The following ATRX variants were observed in gnomAD, a reference collection of about 807,000 sequenced individuals.
ATRX encodes the protein chromatin remodeler ATRX.
In ATRX, 12 loss-of-function variants were observed where a neutral mutation model predicts 172.6. The observed-to-expected ratio is 0.07, with a 90% confidence interval of 0.04 to 0.11. ATRX has a LOEUF of 0.11. Among genes scored for constraint, ATRX ranks in the 10% least tolerant of loss-of-function variants. The pLI, the probability that ATRX is intolerant of heterozygous loss-of-function variation, is 1.00. For missense variants in ATRX, 1,368 were observed against 1,767.4 expected (o/e 0.77, Z 4.05); for synonymous variants, 674 against 594.7 (o/e 1.13, Z -1.94).
chrX:77,603,596 G>C (rs1479166462), intron 22 of ATRX, among the ~76,000 whole-genome samples: 1 of 104,305 alleles, frequency 9.6e-6, no homozygotes, highest in Non-Finnish European at 2.0e-5. Flanking sequence ...GGTTGGTCTT[G>C]AACTCCTGGC....
chrX:77,769,156 C>T (rs1422092576), intron 1 of ATRX, among the ~76,000 whole-genome samples: 1 of 111,786 alleles, frequency 8.9e-6, no homozygotes, highest in Admixed American at 9.6e-5. Context: ...AGCCACTGCA[C>T]CCTAGCCTGG....
chrX:77,581,334 A>G (rs2065818603), intron 27 of ATRX, among the ~76,000 whole-genome samples: 1 of 111,743 alleles, frequency 8.9e-6, no homozygotes, highest in Non-Finnish European at 1.9e-5. Flanking sequence ...CTTCACCTGT[A>G]AAAATACACA....
intron 17 of ATRX, among the ~76,000 whole-genome samples, chrX:77,634,271 TAGAA>T (rs2068246927): frequency 9.7e-6 from 1 of 102,951 alleles, no homozygotes; most frequent in Admixed American, 1.1e-4. Context: ...ATTTCTACCT[TAGAA>T]TCTTTGCAGT....
intron 1 of ATRX, among the ~76,000 whole-genome samples, chrX:77,766,510 G>A (rs782596935): frequency 3.2e-4 from 34 of 107,105 alleles, no homozygotes; most frequent in African/African-American, 9.6e-4. Context: ...CAGACGGGGC[G>A]GCCAGGCAGA....
intron 30 of ATRX, among the ~76,000 whole-genome samples, chrX:77,551,275 C>A (rs1345438621): frequency 4.5e-5 from 5 of 111,450 alleles, no homozygotes; most frequent in South Asian, 3.8e-4. Context: ...GAGATATAGA[C>A]CAATGGAACA....
At chrX:77,559,145 G>C in intron 28 of ATRX, among the ~76,000 whole-genome samples, 1 of 110,991 alleles carries the variant, frequency 9.0e-6, no homozygotes, top group Non-Finnish European at 1.9e-5. Context: ...AATAAATTTA[G>C]AGAATTTATA....
At chrX:77,592,573 G>A (rs1408954772) in intron 26 of ATRX, among the ~76,000 whole-genome samples, 1 of 111,038 alleles carries the variant, frequency 9.0e-6, no homozygotes, top group African/African-American at 3.3e-5. Flanking sequence ...AGCACTTTGG[G>A]AGGCTGAGGC....
At chrX:77,769,667 C>A (rs2076093740) in intron 1 of ATRX, among the ~76,000 whole-genome samples, 1 of 111,770 alleles carries the variant, frequency 8.9e-6, no homozygotes, top group Non-Finnish European at 1.9e-5. Context: ...ACAGACCTGT[C>A]CATATGTGGG....
intron 2 of ATRX, among the ~76,000 whole-genome samples, chrX:77,700,011 A>G (rs1557152558): frequency 8.9e-6 from 1 of 111,959 alleles, no homozygotes; most frequent in East Asian, 2.8e-4. Context: ...ATATAGATGC[A>G]AAAGTCCACA....
chrX:77,515,401 TAAAG>T (rs1312448239), intron 34 of ATRX, among the ~76,000 whole-genome samples: 1 of 107,792 alleles, frequency 9.3e-6, no homozygotes, highest in Non-Finnish European at 1.9e-5. Context: ...AAAATAAAAA[TAAAG>T]AAAAAGTTCA....
intron 1 of ATRX, among the ~76,000 whole-genome samples, chrX:77,772,153 C>T (rs1441648648): frequency 9.2e-6 from 1 of 109,110 alleles, no homozygotes; most frequent in East Asian, 2.9e-4. Flanking sequence ...AAAAAATTAG[C>T]TGGGCACGGT....
At chrX:77,647,191 A>T (rs1164070907) in intron 15 of ATRX, among the ~76,000 whole-genome samples, 2 of 112,301 alleles carry the variant, frequency 1.8e-5, no homozygotes, top group African/African-American at 6.5e-5. Flanking sequence ...AAAGATCACA[A>T]GGAAAATTAG....
At chrX:77,716,529 T>C (rs1401910599) in intron 2 of ATRX, among the ~76,000 whole-genome samples, 1 of 107,934 alleles carries the variant, frequency 9.3e-6, no homozygotes, top group African/African-American at 3.4e-5. Flanking sequence ...CGAGGGCAGA[T>C]CACTTGAGTT....
intron 1 of ATRX, among the ~76,000 whole-genome samples, chrX:77,778,147 A>G (rs1218926984): frequency 9.2e-6 from 1 of 108,798 alleles, no homozygotes; most frequent in Non-Finnish European, 1.9e-5. Flanking sequence ...AAAAAAAAGT[A>G]GATAATACTT....
intron 22 of ATRX, among the ~76,000 whole-genome samples, chrX:77,602,735 G>A (rs2066727939): frequency 9.1e-6 from 1 of 110,069 alleles, no homozygotes; most frequent in African/African-American, 3.3e-5. Context: ...TTCAGTTATT[G>A]GTTTCTAATT....
rs188854276 is a variant in ATRX, at chrX:77,608,197, G to A, written c.5567-7633C>T. Among the ~76,000 whole-genome samples, 24 of 108,798 alleles carry A rather than the reference G, an allele frequency of 2.2e-4. No homozygotes were observed. In the South Asian group the frequency reaches 3.7e-3, roughly 17 times the overall value. The allele number at this position is 108,798 out of a possible 115,157, so 94.5% of individuals were successfully genotyped here. A position where few individuals can be genotyped will look rare whatever the true frequency, so the allele number is the denominator to read the frequency against. ...GAGATCGAGACCACAGTGAAACCCC[G>A]CCTCTACTAAAAATACGAAAAATTA... On this transcript the variant is annotated intron_variant, in intron 22 of 34. Coordinates refer to ENST00000373344, the MANE Select transcript of ATRX (RefSeq NM_000489.6).
At chrX:77,770,342 TCTG>T (rs1321996872) in intron 1 of ATRX, among the ~76,000 whole-genome samples, 1 of 109,933 alleles carries the variant, frequency 9.1e-6, no homozygotes, top group Non-Finnish European at 1.9e-5. Context: ...CCTCAAGTAA[TCTG>T]CTTGCCTCAG....
At chrX:77,776,490 A>G (rs1215611284) in intron 1 of ATRX, among the ~76,000 whole-genome samples, 1 of 112,276 alleles carries the variant, frequency 8.9e-6, no homozygotes, top group African/African-American at 3.2e-5. Flanking sequence ...AACTATGTAA[A>G]ATTGTGCAAT....
rs2072189374 is a variant in ATRX at position 77,696,450 on chromosome X, A to C, written c.370+127T>G. 31 of 700,351 alleles carry C rather than the reference A, an allele frequency of 4.4e-5. No homozygotes were observed. The South Asian group carries it at 7.7e-4, about 17-fold the overall frequency. 57.7% of individuals were successfully genotyped at this position (700,351 alleles called of 1,213,427 possible). On this transcript the variant is annotated intron_variant, in intron 5 of 34. Transcript: ENST00000373344. The stretch of plus-strand genomic sequence containing the variant: ...TTGGCATACAAATATATTTCTAGAC[A>C]ACCACTAGGAAAATGCCATGTTTGG...
Sources: allele counts gnomAD v4.1 joint callset (sites outside exome capture counted in the v4.1 genomes callset), GRCh38; gene constraint gnomAD v4.1.1; transcripts MANE v1.5; gene names NCBI Gene and HGNC (gene_info 2026-07-23, HGNC 2026-07-21).